The following DSCAML1 variants were observed in gnomAD, a reference collection of about 807,000 sequenced individuals.
The protein encoded by DSCAML1 is cell adhesion molecule DSCAML1.
A neutral mutation model predicts 200.5 loss-of-function variants in DSCAML1; 38 were observed. The observed-to-expected ratio is 0.19, with a 90% CI of 0.15 to 0.25. The LOEUF is 0.25. DSCAML1 is among the 10% of genes least tolerant of loss of function. The pLI is 1.00. For synonymous variants in DSCAML1, 1,215 were observed against 1,165.0 expected, an observed-to-expected ratio of 1.04 and a Z score of -0.87; for missense variants, 2,223 against 2,858.8, an observed-to-expected ratio of 0.78 and a Z score of 5.07.
intron 3 of DSCAML1, among the ~76,000 whole-genome samples, chr11:117,706,128 T>C (rs1407838878): frequency 6.6e-6 from 1 of 152,088 alleles, no homozygotes; most frequent in African/African-American, 2.4e-5. Context: ...GAGCAGCTCA[T>C]CTCCTCACAC....
At chr11:117,697,430 T>A (rs1475154624) in intron 3 of DSCAML1, among the ~76,000 whole-genome samples, 1 of 152,008 alleles carries the variant, frequency 6.6e-6, no homozygotes, top group African/African-American at 2.4e-5. Context: ...ATTTTTTTTA[T>A]TATGGCAAAA....
At chr11:117,622,382 C>T (rs1381954590) in intron 3 of DSCAML1, among the ~76,000 whole-genome samples, 1 of 152,190 alleles carries the variant, frequency 6.6e-6, no homozygotes, top group Non-Finnish European at 1.5e-5. Flanking sequence ...TACCAAGTTG[C>T]CCTCCCTTGC....
intron 1 of DSCAML1, among the ~76,000 whole-genome samples, chr11:117,790,169 T>C (rs2055434489): frequency 6.6e-6 from 1 of 152,188 alleles, no homozygotes; most frequent in African/African-American, 2.4e-5. Flanking sequence ...TACTGTGACC[T>C]TAAATGAGGT....
chr11:117,763,751 C>G (rs1277074605), intron 3 of DSCAML1, among the ~76,000 whole-genome samples: 1 of 151,940 alleles, frequency 6.6e-6, no homozygotes, highest in African/African-American at 2.4e-5. Flanking sequence ...GGTTTCACTG[C>G]CAAGGATCCT....
chr11:117,563,593 G>A (rs1449196252), intron 3 of DSCAML1, among the ~76,000 whole-genome samples: 1 of 152,202 alleles, frequency 6.6e-6, no homozygotes, highest in Non-Finnish European at 1.5e-5. Flanking sequence ...TCTATCATGT[G>A]TTTGCTGAGT....
intron 3 of DSCAML1, among the ~76,000 whole-genome samples, chr11:117,675,835 A>G (rs1354346081): frequency 1.3e-5 from 2 of 152,128 alleles, no homozygotes; most frequent in Non-Finnish European, 2.9e-5. Context: ...TCAGCTGGCC[A>G]CTTCAGCCTC....
At chr11:117,535,463 G>C (rs2050151215) in intron 3 of DSCAML1, among the ~76,000 whole-genome samples, 2 of 152,048 alleles carry the variant, frequency 1.3e-5, no homozygotes, top group South Asian at 2.1e-4. Flanking sequence ...CCACAGCCGG[G>C]CAGACCCCGC....
At chr11:117,815,296 T>G (rs539471282) in intron 1 of DSCAML1, among the ~76,000 whole-genome samples, 1 of 152,324 alleles carries the variant, frequency 6.6e-6, no homozygotes, top group East Asian at 1.9e-4. Flanking sequence ...AGCTTGGGAC[T>G]TTTGTCTTGT....
intron 8 of DSCAML1, among the ~76,000 whole-genome samples, chr11:117,515,609 G>GTTTTTTTTTTTTT (rs2049745748): frequency 1.8e-4 from 10 of 57,082 alleles, no homozygotes; most frequent in Admixed American, 4.4e-4. Context: ...GAGGGACGAA[G>GTTTTTTTTTTTTT]CTTTTTTTTT....
At chr11:117,743,266 G>C (rs2054455167) in intron 3 of DSCAML1, among the ~76,000 whole-genome samples, 1 of 152,182 alleles carries the variant, frequency 6.6e-6, no homozygotes, top group Non-Finnish European at 1.5e-5. Context: ...GAGGCCCAGG[G>C]AGGAGGAGGA....
At chr11:117,790,712 C>T (rs2055446592) in intron 1 of DSCAML1, among the ~76,000 whole-genome samples, 1 of 152,156 alleles carries the variant, frequency 6.6e-6, no homozygotes, top group Non-Finnish European at 1.5e-5. Flanking sequence ...TATACAGTAA[C>T]AACTGCTCTG....
rs1204873960 is a variant in DSCAML1 at position 117,469,034 on chromosome 11, C to T, written c.3024+876G>A. ...CCTGAGAATGCTCTCTGATCCAGAG[C>T]CCTGTGCAGTGGCTGTGGAGGGAAG... On this transcript the variant is annotated intron_variant, in intron 16 of 32. Coordinates refer to ENST00000651296, the MANE Select transcript of DSCAML1 (RefSeq NM_020693.4). This position sits in a 1 kb window ranked among gnomAD's most constrained non-coding sequence, Gnocchi z 4.1. Among the ~76,000 whole-genome samples, 1 of 152,186 alleles carries T rather than the reference C, an allele frequency of 6.6e-6. No homozygotes were observed. Among genetic ancestry groups the T allele is most frequent in the Admixed American group, 6.5e-5 (1 of 15,278 alleles).
intron 1 of DSCAML1, among the ~76,000 whole-genome samples, chr11:117,810,118 C>T: frequency 6.6e-6 from 1 of 151,854 alleles, no homozygotes; most frequent in Non-Finnish European, 1.5e-5. Context: ...TACATATTCA[C>T]ATTTCAATCT....
chr11:117,715,861 C>A (rs2053944132), intron 3 of DSCAML1, among the ~76,000 whole-genome samples: 1 of 152,138 alleles, frequency 6.6e-6, no homozygotes, highest in South Asian at 2.1e-4. Flanking sequence ...CATATATAAC[C>A]CTCCTCTATC....
Position 117,498,022 on chromosome 11 carries a change from G to C in DSCAML1, c.2359+5823C>G, listed in dbSNP as rs1397473693. Among the ~76,000 whole-genome samples, 1 of 152,256 alleles carries C rather than the reference G, an allele frequency of 6.6e-6. No individual in the cohort carries two copies. The highest frequency in any genetic ancestry group is 1.5e-5 in the Non-Finnish European group (1 of 68,048). On this transcript the variant is annotated intron_variant, in intron 11 of 32. Coordinates refer to ENST00000651296, the MANE Select transcript of DSCAML1 (RefSeq NM_020693.4). The surrounding 1 kb of genome is among the most constrained non-coding windows in gnomAD (Gnocchi z 4.0). ...GCCCGGATGGGATTGGACCAGACCTGTGGACTAGAGGTCCGTCAGCCAGTC... is the reference window on the plus strand; with the variant it reads ...GCCCGGATGGGATTGGACCAGACCTCTGGACTAGAGGTCCGTCAGCCAGTC...
intron 1 of DSCAML1, among the ~76,000 whole-genome samples, chr11:117,789,186 C>A (rs888681724): frequency 3.3e-5 from 5 of 152,170 alleles, no homozygotes; most frequent in Non-Finnish European, 7.3e-5. Flanking sequence ...CAGAAACCTG[C>A]GAGGTCCAGT....
chr11:117,607,641 G>A (rs548062962), intron 3 of DSCAML1, among the ~76,000 whole-genome samples: 6 of 152,318 alleles, frequency 3.9e-5, no homozygotes, highest in Admixed American at 1.3e-4. Flanking sequence ...AGGGGCCTAC[G>A]CATTAGGTGG....
At chr11:117,649,547 G>A (rs779384017) in intron 3 of DSCAML1, among the ~76,000 whole-genome samples, 1 of 152,094 alleles carries the variant, frequency 6.6e-6, no homozygotes, top group Admixed American at 6.5e-5. Context: ...GGTCACCAGG[G>A]CTTGGCTCTG....
At chr11:117,484,599 G>A (rs2048999569) in intron 11 of DSCAML1, among the ~76,000 whole-genome samples, 1 of 152,200 alleles carries the variant, frequency 6.6e-6, no homozygotes, top group Non-Finnish European at 1.5e-5. Context: ...ATTGACTAAG[G>A]TTTTACACTC....
Sources: gnomAD v4.1 joint callset for allele counts (sites outside exome capture counted in the v4.1 genomes callset) on GRCh38, gnomAD v4.1.1 for gene constraint, Gnocchi (gnomAD v3.1) non-coding constraint, MANE v1.5 for transcripts, NCBI Gene and HGNC (gene_info 2026-07-23, HGNC 2026-07-21) for gene names.